The following FILIP1L variants were observed in gnomAD, a reference collection of about 807,000 sequenced individuals.
The protein encoded by FILIP1L is filamin A interacting protein 1 like, also known as filamin A-interacting protein 1-like.
Under a neutral mutation model 96.6 loss-of-function variants are expected in FILIP1L, and 55 were observed. The ratio of observed to expected loss-of-function variants is 0.57; its 90% confidence interval spans 0.46 to 0.71. The LOEUF (loss-of-function observed/expected upper bound fraction) is 0.71. Ranked by LOEUF, FILIP1L falls within the 30% of genes least tolerant of loss-of-function variation. The probability of loss-of-function intolerance (pLI) is 0.00; values close to 1 mark genes in which losing one functional copy is unlikely to be tolerated. For synonymous variants in FILIP1L, 467 were observed against 473.9 expected (o/e 0.99, Z 0.19); for missense variants, 1,304 against 1,321.2 (o/e 0.99, Z 0.20).
At chr3:99,954,741 G>A (rs544223226) in intron 1 of FILIP1L, among the ~76,000 whole-genome samples, 1 of 151,908 alleles carries the variant, frequency 6.6e-6, no homozygotes, top group Non-Finnish European at 1.5e-5. Flanking sequence ...CAGGAGAATC[G>A]CTTGAACCCG....
chr3:99,954,708 C>G (rs1708270127), intron 1 of FILIP1L, among the ~76,000 whole-genome samples: 1 of 152,002 alleles, frequency 6.6e-6, no homozygotes, highest in Admixed American at 6.6e-5. Context: ...CACCTGTAAT[C>G]CCAGCTACTC....
intron 1 of FILIP1L, among the ~76,000 whole-genome samples, chr3:100,100,778 AG>A (rs200174972): frequency 0.012 from 1,816 of 152,292 alleles, 30 homozygotes; most frequent in African/African-American, 0.041. Context: ...AGACCTCGCA[AG>A]GTTAGTATCG....
At chr3:99,997,193 G>C (rs1709709384) in intron 1 of FILIP1L, among the ~76,000 whole-genome samples, 1 of 152,094 alleles carries the variant, frequency 6.6e-6, no homozygotes, top group South Asian at 2.1e-4. Context: ...TTCTTTGAAA[G>C]GATAAACAAA....
At chr3:99,995,959 G>A (rs969612284) in intron 1 of FILIP1L, among the ~76,000 whole-genome samples, 10 of 152,214 alleles carry the variant, frequency 6.6e-5, no homozygotes, top group Non-Finnish European at 1.5e-4. Flanking sequence ...ACATGCCCTG[G>A]AGACATTTTC....
At chr3:99,853,997 T>C (rs986115083) in intron 4 of FILIP1L, among the ~76,000 whole-genome samples, 2 of 152,212 alleles carry the variant, frequency 1.3e-5, no homozygotes, top group Admixed American at 6.5e-5. Context: ...TGTGTGGTTG[T>C]ACATGTGTGT....
At chr3:100,020,076 T>G (rs537076270) in intron 1 of FILIP1L, among the ~76,000 whole-genome samples, 1 of 152,334 alleles carries the variant, frequency 6.6e-6, no homozygotes, top group African/African-American at 2.4e-5. Context: ...AAAGCCTTAC[T>G]ATAATCCAGA....
rs1158140593 is a variant in FILIP1L at position 99,910,652 on chromosome 3, C to G, written c.605+13578G>C. Among the ~76,000 whole-genome samples the G allele has an allele frequency of 1.5e-5, 2 of 136,592 alleles. 1 individual carries two copies. The highest frequency in any genetic ancestry group is 3.3e-5 in the Non-Finnish European group (2 of 59,730). 89.6% of individuals were successfully genotyped at this position (136,592 alleles called of 152,430 possible). On this transcript the variant is annotated intron_variant, in intron 4 of 5. Transcript: ENST00000477258. The stretch of plus-strand genomic sequence containing the variant: ...AATACGCTATAATTCTAACTATTAT[C>G]TCCATATGTAAATAAACATTTTATG...
chr3:100,066,876 A>G (rs1162028036), intron 1 of FILIP1L, among the ~76,000 whole-genome samples: 4 of 152,130 alleles, frequency 2.6e-5, no homozygotes, highest in Non-Finnish European at 5.9e-5. Flanking sequence ...CACAGTTTAA[A>G]GATTTTTACT....
intron 1 of FILIP1L, among the ~76,000 whole-genome samples, chr3:100,069,523 AT>A (rs1399656738): frequency 1.4e-4 from 22 of 151,972 alleles, no homozygotes; most frequent in African/African-American, 5.3e-4. Flanking sequence ...GGTGTTTTGG[AT>A]TTCTGATACG....
chr3:99,992,002 ATGTG>A (rs1201211092), intron 1 of FILIP1L, among the ~76,000 whole-genome samples: 2 of 149,646 alleles, frequency 1.3e-5, no homozygotes, highest in Non-Finnish European at 3.0e-5. Flanking sequence ...ACGTATATAT[ATGTG>A]TGTGTGTATA....
intron 1 of FILIP1L, among the ~76,000 whole-genome samples, chr3:99,978,557 A>G (rs13089461): frequency 0.094 from 14,241 of 152,226 alleles, 821 homozygotes; most frequent in African/African-American, 0.15. Flanking sequence ...CACACCACAT[A>G]TTCTCATTCA....
intron 1 of FILIP1L, among the ~76,000 whole-genome samples, chr3:100,004,482 C>G (rs1241067389): frequency 1.3e-5 from 2 of 152,166 alleles, no homozygotes; most frequent in African/African-American, 4.8e-5. Context: ...GGTCACCCAT[C>G]AGAGTGGTGG....
At chr3:99,975,455 G>A (rs955222760) in intron 1 of FILIP1L, among the ~76,000 whole-genome samples, 1 of 152,064 alleles carries the variant, frequency 6.6e-6, no homozygotes, top group African/African-American at 2.4e-5. Flanking sequence ...AGCTGAGTAT[G>A]GTGGCGGGCG....
At chr3:100,028,662 G>A (rs1284346211) in intron 1 of FILIP1L, among the ~76,000 whole-genome samples, 3 of 152,024 alleles carry the variant, frequency 2.0e-5, no homozygotes, top group Non-Finnish European at 4.4e-5. Context: ...GACAATAATG[G>A]AATAGCATTT....
At chr3:100,056,574 T>G (rs1342990143) in intron 1 of FILIP1L, among the ~76,000 whole-genome samples, 1 of 152,186 alleles carries the variant, frequency 6.6e-6, no homozygotes, top group Non-Finnish European at 1.5e-5. Flanking sequence ...TGGCTTTATC[T>G]GCTTGTGATT....
chr3:100,051,350 TTA>T (rs1311031463), intron 1 of FILIP1L: 1 of 151,916 alleles, frequency 6.6e-6, no homozygotes, highest in African/African-American at 2.4e-5. Context: ...AACCAATGGC[TTA>T]TATTTCTTTT....
chr3:99,916,379 T>C (rs1706950691), intron 4 of FILIP1L, among the ~76,000 whole-genome samples: 1 of 151,518 alleles, frequency 6.6e-6, no homozygotes, highest in East Asian at 1.9e-4. Flanking sequence ...AGACAGCAGC[T>C]CATGCAACTG....
At chr3:99,964,896 C>T (rs1297505510) in intron 1 of FILIP1L, among the ~76,000 whole-genome samples, 4 of 152,126 alleles carry the variant, frequency 2.6e-5, no homozygotes, top group African/African-American at 9.7e-5. Context: ...ACATCAGTCC[C>T]ATAGTGCACA....
At chr3:100,017,656 G>T (rs1204801592) in intron 1 of FILIP1L, among the ~76,000 whole-genome samples, 1 of 152,208 alleles carries the variant, frequency 6.6e-6, no homozygotes, top group African/African-American at 2.4e-5. Flanking sequence ...CAGATGTGGT[G>T]GCATGCACCT....
Sources: gnomAD v4.1 joint callset for allele counts (sites outside exome capture counted in the v4.1 genomes callset) on GRCh38, gnomAD v4.1.1 for gene constraint, MANE v1.5 for transcripts, NCBI Gene and HGNC (gene_info 2026-07-23, HGNC 2026-07-21) for gene names.